ABHD2: variants seen among roughly 807,000 people sequenced by gnomAD.
ABHD2 encodes the protein abhydrolase domain containing 2, acylglycerol lipase.
In ABHD2, 20 loss-of-function variants were observed where a neutral mutation model predicts 48.1. The observed-to-expected ratio is 0.42, with a 90% CI of 0.29 to 0.60. ABHD2 has a LOEUF of 0.60. Ranked by LOEUF, ABHD2 falls within the 20% of genes least tolerant of loss-of-function variation. The probability of loss-of-function intolerance (pLI) is 0.24; values close to 1 mark genes in which losing one functional copy is unlikely to be tolerated. For synonymous variants in ABHD2, 209 were observed against 214.2 expected (o/e 0.98, Z 0.21); for missense variants, 405 against 550.9 (o/e 0.74, Z 2.65).
At chr15:89,087,697 G>A (rs1596050172), upstream of ABHD2, 2 of 152,308 alleles carry the variant, frequency 1.3e-5, no homozygotes, top group African/African-American at 2.4e-5. This position sits in a 1 kb window ranked among gnomAD's most constrained non-coding sequence, Gnocchi z 5.5. Flanking sequence ...CAACCGGTAG[G>A]AGCCCCAATT....
At chr15:89,160,233 G>A (rs1023894670) in intron 5 of ABHD2, among the ~76,000 whole-genome samples, 3 of 152,200 alleles carry the variant, frequency 2.0e-5, no homozygotes, top group Admixed American at 1.3e-4. Flanking sequence ...CTTTTGACTG[G>A]TTAATTGAGG....
At chr15:89,065,202 C>T in the ABHD2 span, among the ~76,000 whole-genome samples, 2 of 152,134 alleles carry the variant, frequency 1.3e-5, no homozygotes, top group Non-Finnish European at 2.9e-5. Context: ...CCACCTCCTC[C>T]TTCAAGGAAA....
At chr15:89,125,728 C>A (rs1291649947) in intron 3 of ABHD2, among the ~76,000 whole-genome samples, 1 of 152,178 alleles carries the variant, frequency 6.6e-6, no homozygotes. Flanking sequence ...TGCCTGCCTG[C>A]CCTGTCTCTG....
At chr15:89,101,182 G>A (rs2049695596) in intron 1 of ABHD2, among the ~76,000 whole-genome samples, 1 of 152,104 alleles carries the variant, frequency 6.6e-6, no homozygotes, top group Non-Finnish European at 1.5e-5. Flanking sequence ...CTTTATTTGT[G>A]AGACAGCAGT....
Position 89,176,107 on chromosome 15 carries a change from G to A in ABHD2, c.722+112G>A. On this transcript the variant is annotated intron_variant, in intron 6 of 10. Coordinates refer to ENST00000352732, the MANE Select transcript of ABHD2 (RefSeq NM_152924.5). The surrounding 1 kb of genome is among the most constrained non-coding windows in gnomAD (Gnocchi z 4.5). ...ACCGGGGAACACTGTGGCCGACTGA[G>A]TAGAAGTTTCTGAGTCTTGGACTCA... 8.4e-7 allele frequency: 1 copy of A among 1,195,232 alleles called. No homozygotes were observed. Among genetic ancestry groups the A allele is most frequent in the East Asian group, 2.5e-5 (1 of 39,876 alleles). The allele number at this position is 1,195,232 out of a possible 1,614,324, so 74.0% of individuals were successfully genotyped here. A position where few individuals can be genotyped will look rare whatever the true frequency, so the allele number is the denominator to read the frequency against.
At chr15:89,134,975 G>A (rs1298825890) in intron 3 of ABHD2, among the ~76,000 whole-genome samples, 2 of 151,990 alleles carry the variant, frequency 1.3e-5, no homozygotes, top group African/African-American at 4.8e-5. Flanking sequence ...GTTGTTTTCT[G>A]CACATCAAAG....
At chr15:89,066,465 C>A in the ABHD2 span, among the ~76,000 whole-genome samples, 1 of 152,108 alleles carries the variant, frequency 6.6e-6, no homozygotes, top group African/African-American at 2.4e-5. Context: ...CCAGTATGAC[C>A]TCATCTTAAC....
At chr15:89,147,806 C>A (rs1345717427) in intron 3 of ABHD2, among the ~76,000 whole-genome samples, 3 of 151,282 alleles carry the variant, frequency 2.0e-5, no homozygotes, top group Admixed American at 6.6e-5. Context: ...ATATTTTTAA[C>A]CATAAAAGAT....
chr15:89,107,884 C>T (rs761652213), intron 1 of ABHD2, among the ~76,000 whole-genome samples: 8 of 152,190 alleles, frequency 5.3e-5, no homozygotes, highest in Non-Finnish European at 1.0e-4. Flanking sequence ...CCTCCCCCAG[C>T]TGTCTGTGTC....
chr15:89,077,367 T>C, the ABHD2 span, among the ~76,000 whole-genome samples: 424 of 152,376 alleles, frequency 2.8e-3, no homozygotes, highest in Non-Finnish European at 5.0e-3. Context: ...TGTTCTACAA[T>C]CTGTTTATCC....
chr15:89,200,308 A>T lies in ABHD2; in HGVS notation c.*4885A>T, dbSNP rs755534881. On this transcript the variant is annotated 3_prime_UTR_variant, in exon 11 of 11. Coordinates refer to ENST00000352732, the MANE Select transcript of ABHD2 (RefSeq NM_152924.5). ...GGCAGAGGCGCTCCTCACTTCCCAG[A>T]TGGGGCGGCGGGCAGCAGAGACGCA... 6.6e-6 allele frequency: 1 copy of T among 152,240 alleles called. No individual in the cohort carries two copies. 9.4% of individuals were successfully genotyped at this position (152,240 alleles called of 1,614,324 possible).
chr15:89,165,607 A>G (rs1348908857), intron 5 of ABHD2, among the ~76,000 whole-genome samples: 1 of 152,180 alleles, frequency 6.6e-6, no homozygotes, highest in Non-Finnish European at 1.5e-5. Flanking sequence ...AATTTTTTTA[A>G]CTAATAGGGT....
At chr15:89,112,474 T>C (rs1239680806) in intron 1 of ABHD2, among the ~76,000 whole-genome samples, 1 of 152,196 alleles carries the variant, frequency 6.6e-6, no homozygotes, top group East Asian at 1.9e-4. Context: ...GACTTTGCTC[T>C]TCCGGCCCCA....
chr15:89,057,113 C>A, the ABHD2 span, among the ~76,000 whole-genome samples: 1 of 151,966 alleles, frequency 6.6e-6, no homozygotes, highest in South Asian at 2.1e-4. Context: ...TGGGGTTTCA[C>A]CGTGTTAGCA....
chr15:89,141,744 C>T (rs1315329037), intron 3 of ABHD2, among the ~76,000 whole-genome samples: 12 of 152,206 alleles, frequency 7.9e-5, no homozygotes, highest in Non-Finnish European at 1.3e-4. Flanking sequence ...TTTACCCTTT[C>T]TCCTGTTTAG....
At chr15:89,065,387 A>G in the ABHD2 span, among the ~76,000 whole-genome samples, 1 of 152,198 alleles carries the variant, frequency 6.6e-6, no homozygotes, top group East Asian at 1.9e-4. Context: ...AGAATTGTCC[A>G]GGGCAGACTT....
rs1357760587 is a variant in ABHD2, at chr15:89,177,891, C to T, written c.722+1896C>T. Among the ~76,000 whole-genome samples, 5 of 152,154 alleles carry T rather than the reference C, an allele frequency of 3.3e-5. No individual in the cohort carries two copies. The highest frequency in any genetic ancestry group is 5.9e-5 in the Non-Finnish European group (4 of 68,032). On this transcript the variant is annotated intron_variant, in intron 6 of 10. Coordinates refer to ENST00000352732, the MANE Select transcript of ABHD2 (RefSeq NM_152924.5). This position sits in a 1 kb window ranked among gnomAD's most constrained non-coding sequence, Gnocchi z 5.6. ...TTCAATGCACAAAATCTTAACACGA[C>T]AATCCCTTCATCTCATTTTGCTGCA...
chr15:89,114,338 G>T lies in ABHD2; in HGVS notation c.-7+514G>T, dbSNP rs1052878818. On this transcript the variant is annotated intron_variant, in intron 2 of 10. Coordinates refer to ENST00000352732, the MANE Select transcript of ABHD2 (RefSeq NM_152924.5). This position sits in a 1 kb window ranked among gnomAD's most constrained non-coding sequence, Gnocchi z 4.2. ...ACAAACTTTCACATGATTTCAGGGGGTTCTTAGACCGCAGGATCCCACAGG... is the reference window on the plus strand; with the variant it reads ...ACAAACTTTCACATGATTTCAGGGGTTTCTTAGACCGCAGGATCCCACAGG... 6.6e-6 allele frequency among the ~76,000 whole-genome samples: 1 copy of T among 152,126 alleles called. No individual in the cohort carries two copies. The highest frequency in any genetic ancestry group is 2.4e-5 in the African/African-American group (1 of 41,428).
At chr15:89,149,267 A>G (rs1483240038) in intron 3 of ABHD2, among the ~76,000 whole-genome samples, 3 of 151,626 alleles carry the variant, frequency 2.0e-5, no homozygotes, top group South Asian at 4.2e-4. Context: ...ACTGCACCCC[A>G]CTCTGAGAAT....
Sources: allele counts gnomAD v4.1 joint callset (sites outside exome capture counted in the v4.1 genomes callset), GRCh38; gene constraint gnomAD v4.1.1; non-coding constraint Gnocchi (gnomAD v3.1); transcripts MANE v1.5; gene names NCBI Gene and HGNC (gene_info 2026-07-23, HGNC 2026-07-21).